The following RPS6KA1 variants were observed in gnomAD, a reference collection of about 807,000 sequenced individuals.
The protein encoded by RPS6KA1 is ribosomal protein S6 kinase A1.
In RPS6KA1, 48 loss-of-function variants were observed where a neutral mutation model predicts 91.3. The ratio of observed to expected loss-of-function variants is 0.53; its 90% CI spans 0.42 to 0.67. The LOEUF (loss-of-function observed/expected upper bound fraction) is 0.67. RPS6KA1 is among the 30% of genes least tolerant of loss of function. RPS6KA1 has a pLI of 0.00. For synonymous variants in RPS6KA1, 359 were observed against 384.7 expected, an observed-to-expected ratio of 0.93 and a Z score of 0.78; for missense variants, 719 against 960.5, an observed-to-expected ratio of 0.75 and a Z score of 3.32.
intron 6 of RPS6KA1, chr1:26,552,870 C>G: frequency 2.4e-6 from 1 of 422,238 alleles, no homozygotes; most frequent in Non-Finnish European, 4.7e-6. Flanking sequence ...TTCCTCCCAC[C>G]CCAGCCCCCT....
chr1:26,562,377 G>T (rs2076160996), intron 17 of RPS6KA1, among the ~76,000 whole-genome samples: 1 of 152,180 alleles, frequency 6.6e-6, no homozygotes, highest in African/African-American at 2.4e-5. Context: ...TCAGACTGAA[G>T]AATTTAGGTG....
At chr1:26,545,209 A>C (rs887309722) in intron 2 of RPS6KA1, among the ~76,000 whole-genome samples, 4 of 142,206 alleles carry the variant, frequency 2.8e-5, no homozygotes, top group African/African-American at 8.0e-5. Context: ...TTGCTCTGCC[A>C]CCCAGGCTGG....
chr1:26,565,543 T>TTTTTCTTTTCTTTTCTTTTC lies in RPS6KA1; in HGVS notation c.1590+3890_1590+3909dup, dbSNP rs57066833. ...TATTTTGCCCGTTTTTGAATTTATTTTTTTCTTTTCTTTTCTTTTCTTTTC... is the reference window on the plus strand; with the variant it reads ...TATTTTGCCCGTTTTTGAATTTATTTTTTTCTTTTCTTTTCTTTTCTTTTCTTTTCTTTTCTTTTCTTTTC... On this transcript the variant is annotated intron_variant, in intron 17 of 21. Coordinates refer to ENST00000374168, the MANE Select transcript of RPS6KA1 (RefSeq NM_002953.4). 3.2e-3 allele frequency among the ~76,000 whole-genome samples: 480 copies of TTTTTCTTTTCTTTTCTTTTC among 148,110 alleles called. 2 individuals carry two copies. The highest frequency in any genetic ancestry group is 7.8e-3 in the African/African-American group (312 of 39,806).
Position 26,560,869 on chromosome 1 carries a change from G to A in RPS6KA1, c.1341+18G>A, listed in dbSNP as rs374634337. On this transcript the variant is annotated intron_variant, in intron 15 of 21. Transcript: ENST00000374168. ...CTGTCAAGGTGGGCCTCCTGACCAC[G>A]TCTCGGCCAAGGCTGCTGGGTTGGG... is the stretch of plus-strand genomic sequence containing the variant. The A allele has an allele frequency of 2.4e-5, 38 of 1,613,954 alleles. No individual in the cohort carries two copies. Among genetic ancestry groups the A allele is most frequent in the African/African-American group, 2.0e-4 (15 of 74,908 alleles).
chr1:26,548,317 C>G (rs556806779), intron 4 of RPS6KA1, among the ~76,000 whole-genome samples: 72 of 151,732 alleles, frequency 4.7e-4, no homozygotes, highest in Middle Eastern at 3.4e-3. Context: ...GCGTGGATAT[C>G]CGACGCGCTG....
At chr1:26,573,679 C>T (rs977213664) in intron 21 of RPS6KA1, among the ~76,000 whole-genome samples, 1 of 152,134 alleles carries the variant, frequency 6.6e-6, no homozygotes, top group African/African-American at 2.4e-5. Context: ...GTGGCTCACA[C>T]CTGTAATCCC....
Position 26,555,410 on chromosome 1 carries a change from C to A in RPS6KA1, c.828-127C>A. 1.8e-6 allele frequency: 2 copies of A among 1,083,530 alleles called. No homozygotes were observed. Among genetic ancestry groups the A allele is most frequent in the African/African-American group, 1.6e-5 (1 of 63,766 alleles). 67.1% of individuals were successfully genotyped at this position (1,083,530 alleles called of 1,614,324 possible). ...GGGCCTGTGGGTAGGATCCCTGAAGCCTTTGGGAAGTGAATTAGTGGATGG... is the reference window on the plus strand; with the variant it reads ...GGGCCTGTGGGTAGGATCCCTGAAGACTTTGGGAAGTGAATTAGTGGATGG... On this transcript the variant is annotated intron_variant, in intron 10 of 21. Coordinates refer to ENST00000374168, the MANE Select transcript of RPS6KA1 (RefSeq NM_002953.4). This position sits in a 1 kb window ranked among gnomAD's most constrained non-coding sequence, Gnocchi z 4.3.
At chr1:26,550,929 G>A (rs1033897647) in intron 4 of RPS6KA1, among the ~76,000 whole-genome samples, 1 of 152,166 alleles carries the variant, frequency 6.6e-6, no homozygotes, top group African/African-American at 2.4e-5. Flanking sequence ...TAGGCCCAGG[G>A]ATCCAGCTCA....
At chr1:26,570,910 G>T (rs2076243409) in intron 17 of RPS6KA1, among the ~76,000 whole-genome samples, 1 of 152,186 alleles carries the variant, frequency 6.6e-6, no homozygotes, top group African/African-American at 2.4e-5. Flanking sequence ...ATCACTTGAG[G>T]TCAGGAGTTT....
In RPS6KA1 at chr1:26,570,999, T is replaced by C. The variant is rs924723325; in HGVS notation, c.1591-450T>C. 2.2e-5 allele frequency among the ~76,000 whole-genome samples: 3 copies of C among 139,250 alleles called. No individual in the cohort carries two copies. The Admixed American group carries it at 2.2e-4, about 10-fold the overall frequency. 91.4% of individuals were successfully genotyped at this position (139,250 alleles called of 152,430 possible). A position where few individuals can be genotyped will look rare whatever the true frequency, so the allele number is the denominator to read the frequency against. Reference sequence around the variant, plus strand: ...TCAGCCAGCCATGGCGGCGGGTGCCTGTAATCCCAGCTACTTGGGAGCTGA... The same window carrying C: ...TCAGCCAGCCATGGCGGCGGGTGCCCGTAATCCCAGCTACTTGGGAGCTGA... On this transcript the variant is annotated intron_variant, in intron 17 of 21. Coordinates refer to ENST00000374168, the MANE Select transcript of RPS6KA1 (RefSeq NM_002953.4).
rs1329972494 is a variant in RPS6KA1, at chr1:26,530,002, G to A, written c.63+19G>A. On this transcript the variant is annotated intron_variant, in intron 1 of 21. Coordinates refer to ENST00000374168, the MANE Select transcript of RPS6KA1 (RefSeq NM_002953.4). ...CCCGGAGGTGAGTGAGCGGGGCGGG[G>A]GACGGGCGCCCGCGGCCGGCGAGCC... The A allele has an allele frequency of 7.5e-7, 1 of 1,336,288 alleles. No homozygotes were observed. The highest frequency in any genetic ancestry group is 9.6e-7 in the Non-Finnish European group (1 of 1,043,084). The allele number at this position is 1,336,288 out of a possible 1,614,324, so 82.8% of individuals were successfully genotyped here.
rs1266539622 is a variant in RPS6KA1, at chr1:26,551,273, G to A, written c.308-124G>A. 1.3e-6 allele frequency: 1 copy of A among 784,772 alleles called. No individual in the cohort carries two copies. The highest frequency in any genetic ancestry group is 2.2e-5 in the Admixed American group (1 of 44,848). The allele number at this position is 784,772 out of a possible 1,614,324, so 48.6% of individuals were successfully genotyped here. A position where few individuals can be genotyped will look rare whatever the true frequency, so the allele number is the denominator to read the frequency against. Reference sequence around the variant, plus strand: ...AGGATTGAGTGTCCCCAAAGCCCTGGGTGAGGGGGCTTTGGGAGCTCAGGC... The same window carrying A: ...AGGATTGAGTGTCCCCAAAGCCCTGAGTGAGGGGGCTTTGGGAGCTCAGGC... On this transcript the variant is annotated intron_variant, in intron 4 of 21. Coordinates refer to ENST00000374168, the MANE Select transcript of RPS6KA1 (RefSeq NM_002953.4). The surrounding 1 kb of genome is among the most constrained non-coding windows in gnomAD (Gnocchi z 4.5).
rs573306741 is a variant in RPS6KA1, at chr1:26,574,415, C to T, written c.*214C>T. On this transcript the variant is annotated 3_prime_UTR_variant, in exon 22 of 22. Coordinates refer to ENST00000374168, the MANE Select transcript of RPS6KA1 (RefSeq NM_002953.4). This position sits in a 1 kb window ranked among gnomAD's most constrained non-coding sequence, Gnocchi z 4.3. ...CGGCTCAGGCTCTGCTGGTGGAAAG[C>T]GATTCACTGTATAAACTTTTTTTTA... The T allele has an allele frequency of 1.2e-4, 96 of 769,860 alleles. No individual in the cohort carries two copies. In the East Asian group the frequency reaches 1.5e-3, roughly 12 times the overall value. The allele number at this position is 769,860 out of a possible 1,614,324, so 47.7% of individuals were successfully genotyped here.
In RPS6KA1 at chr1:26,556,667, T is replaced by A; in HGVS notation, c.930T>A (p.Asp310Glu). ...GGGCTCTTTCAGGCTCCGGCCCTGA[T>A]GGGGCAGAGGAAATCAAGCGGCATG... ...NPANRLGSGP[D>E]GAEEIKRHVF... Residue 310 changes from aspartate (D) to glutamate (E), a missense_variant, in exon 12 of 22, where the codon GAT becomes GAA. Coordinates refer to ENST00000374168, the MANE Select transcript of RPS6KA1 (RefSeq NM_002953.4). 1 of 1,614,158 alleles carries A rather than the reference T, an allele frequency of 6.2e-7. No homozygotes were observed. Among genetic ancestry groups the A allele is most frequent in the African/African-American group, 1.3e-5 (1 of 75,040 alleles).
At position 26,561,152 on chromosome 1, in the gene RPS6KA1, A is replaced by C; in HGVS notation, c.1431+18A>C. 6 of 1,601,520 alleles carry C rather than the reference A, an allele frequency of 3.7e-6. No homozygotes were observed. The highest frequency in any genetic ancestry group is 5.1e-6 in the Non-Finnish European group (6 of 1,168,740). ...TGAAAGATGTGAGTGGGGGTCCTTA[A>C]GACTGGGGTGGGGACCAGGAACTCA... On this transcript the variant is annotated intron_variant, in intron 16 of 21. Transcript: ENST00000374168. This position sits in a 1 kb window ranked among gnomAD's most constrained non-coding sequence, Gnocchi z 5.7.
chr1:26,543,064 A>G (rs1226304758), intron 2 of RPS6KA1: 9 of 1,309,760 alleles, frequency 6.9e-6, no homozygotes, highest in Non-Finnish European at 7.4e-6. Flanking sequence ...AGTGAGAAGG[A>G]GGGGGGCCAG....
At chr1:26,539,775 C>T (rs572396830) in intron 2 of RPS6KA1, among the ~76,000 whole-genome samples, 1 of 152,328 alleles carries the variant, frequency 6.6e-6, no homozygotes, top group East Asian at 1.9e-4. Context: ...ACGTGGTACC[C>T]TAAGGCACAC....
intron 2 of RPS6KA1, chr1:26,546,036 G>A (rs1437373125): frequency 6.2e-7 from 1 of 1,611,270 alleles, no homozygotes; most frequent in Admixed American, 1.7e-5. Flanking sequence ...GCGGGACTCG[G>A]TGAGTGTGCC....
chr1:26,573,524 A>C (rs1001293429), intron 21 of RPS6KA1, among the ~76,000 whole-genome samples, 163 bp downstream of exon 21: 4 of 152,190 alleles, frequency 2.6e-5, no homozygotes, highest in Non-Finnish European at 5.9e-5. Flanking sequence ...CTAACATGCT[A>C]CAGTGTCACG....
Sources: gnomAD v4.1 joint callset for allele counts (sites outside exome capture counted in the v4.1 genomes callset) on GRCh38, gnomAD v4.1.1 for gene constraint, Gnocchi (gnomAD v3.1) non-coding constraint, MANE v1.5 for transcripts, NCBI Gene and HGNC (gene_info 2026-07-23, HGNC 2026-07-21) for gene names.